Variants in HK2 observed in about 807,000 individuals in gnomAD.
HK2 encodes the protein hexokinase-2.
HK2 carries 42 observed loss-of-function variants against 92.9 expected under a neutral mutation model. That is an observed-to-expected ratio of 0.45 (90% CI 0.35 to 0.58). The LOEUF is 0.58. Among genes scored for constraint, HK2 ranks in the 20% least tolerant of loss-of-function variants. The probability of loss-of-function intolerance (pLI) is 0.00; values close to 1 mark genes in which losing one functional copy is unlikely to be tolerated. For missense variants in HK2, 978 were observed against 1,245.1 expected (o/e 0.79, Z 3.23); for synonymous variants, 422 against 468.0 (o/e 0.90, Z 1.27).
At chr2:74,870,800 TC>T (rs1405233509) in intron 3 of HK2, among the ~76,000 whole-genome samples, 1 of 152,200 alleles carries the variant, frequency 6.6e-6, no homozygotes, top group Non-Finnish European at 1.5e-5. Flanking sequence ...AGCCTTGTCC[TC>T]CCCAGCCTTT....
intron 15 of HK2, 67 bp from the exon 16 acceptor site, chr2:74,887,836 C>A (rs1248238161): frequency 4.6e-6 from 7 of 1,507,012 alleles, no homozygotes; most frequent in Non-Finnish European, 6.5e-6. Flanking sequence ...ACTAAGCTGG[C>A]CTGTCCTGTC....
At chr2:74,864,609 T>C (rs1180148278) in intron 2 of HK2, among the ~76,000 whole-genome samples, 3 of 152,142 alleles carry the variant, frequency 2.0e-5, no homozygotes, top group African/African-American at 7.2e-5. Flanking sequence ...TGGGTTCTAG[T>C]GATTCTCTTG....
At chr2:74,882,658 T>A (rs1355823291) in intron 12 of HK2, among the ~76,000 whole-genome samples, 1 of 139,858 alleles carries the variant, frequency 7.2e-6, no homozygotes, top group Non-Finnish European at 1.6e-5. Context: ...AGGTACTATG[T>A]TAGGTTTCTT....
intron 1 of HK2, among the ~76,000 whole-genome samples, chr2:74,845,916 G>A (rs1688423694): frequency 6.6e-6 from 1 of 152,222 alleles, no homozygotes; most frequent in South Asian, 2.1e-4. Flanking sequence ...AGCCTTCCCA[G>A]GAGGAGTCTG....
chr2:74,853,850 G>T (rs965086723), intron 1 of HK2, among the ~76,000 whole-genome samples: 7 of 152,180 alleles, frequency 4.6e-5, no homozygotes, highest in Non-Finnish European at 1.0e-4. Flanking sequence ...AGAGGTAAAA[G>T]CGGAACTGGG....
At chr2:74,872,117 T>C (rs1226907552) in intron 3 of HK2, among the ~76,000 whole-genome samples, 183 bp from the exon 4 acceptor site, 1 of 152,220 alleles carries the variant, frequency 6.6e-6, no homozygotes, top group Non-Finnish European at 1.5e-5. Flanking sequence ...GTACTCCTTT[T>C]CATAACTCCA....
chr2:74,890,669 C>G, intron 17 of HK2, 128 bp from the exon 18 acceptor site: 1 of 1,077,554 alleles, frequency 9.3e-7, no homozygotes, highest in Non-Finnish European at 1.4e-6. Flanking sequence ...TTATAGCTGT[C>G]ATCCTTCTCC....
At chr2:74,843,389 G>A (rs1267786864) in intron 1 of HK2, among the ~76,000 whole-genome samples, 1 of 152,124 alleles carries the variant, frequency 6.6e-6, no homozygotes, top group African/African-American at 2.4e-5. Context: ...CCTTATCCAC[G>A]TCAGGAGTCA....
In HK2 at chr2:74,889,140, T is replaced by C. The variant is rs17847149; in HGVS notation, c.2376-105T>C. On this transcript the variant is annotated intron_variant, in intron 16 of 17. Coordinates refer to ENST00000290573, the MANE Select transcript of HK2 (RefSeq NM_000189.5). ...CTCGAGGGGCCAGCTCCTGGAGAGC[T>C]AGACCCCCACAGAGCCTCCCCTGTA... is the stretch of plus-strand genomic sequence containing the variant. The C allele has an allele frequency of 1.4e-4, 128 of 911,068 alleles. 2 individuals are homozygous for C. The East Asian group carries it at 3.4e-3, about 24-fold the overall frequency. The allele number at this position is 911,068 out of a possible 1,614,324, so 56.4% of individuals were successfully genotyped here.
In HK2 at chr2:74,885,479, G is replaced by A. The variant is rs1689499502; in HGVS notation, c.1840-15G>A. On this transcript the variant is annotated splice_polypyrimidine_tract_variant and intron_variant, in intron 12 of 17. Coordinates refer to ENST00000290573, the MANE Select transcript of HK2 (RefSeq NM_000189.5). ...CTTCCCTGATGTCCTTTCCATGCTT[G>A]TGTGTGATTTTTAGAGCATCCTCCT... 1 of 1,594,782 alleles carries A rather than the reference G, an allele frequency of 6.3e-7. No individual in the cohort carries two copies. The highest frequency in any genetic ancestry group is 8.6e-7 in the Non-Finnish European group (1 of 1,162,570).
intron 1 of HK2, among the ~76,000 whole-genome samples, chr2:74,841,525 C>T (rs571546020): frequency 6.6e-6 from 1 of 152,058 alleles, no homozygotes; most frequent in African/African-American, 2.4e-5. Context: ...AGTTAGTAGC[C>T]CTAGTTGGGA....
In HK2 at chr2:74,873,159, T is replaced by G; in HGVS notation, c.496-117T>G. ...GCTAGCCAGGAAGTAACACACAAAT[T>G]CAATCATGACTTTACCCCAGTGGCA... On this transcript the variant is annotated intron_variant, in intron 4 of 17. Coordinates refer to ENST00000290573, the MANE Select transcript of HK2 (RefSeq NM_000189.5). 13 of 819,328 alleles carry G rather than the reference T, an allele frequency of 1.6e-5. 1 individual carries two copies. The South Asian group carries it at 1.6e-4, about 10-fold the overall frequency. The allele number at this position is 819,328 out of a possible 1,614,324, so 50.8% of individuals were successfully genotyped here. A position where few individuals can be genotyped will look rare whatever the true frequency, so the allele number is the denominator to read the frequency against.
At chr2:74,867,033 A>G (rs1178718609) in intron 2 of HK2, among the ~76,000 whole-genome samples, 1 of 152,140 alleles carries the variant, frequency 6.6e-6, no homozygotes, top group Non-Finnish European at 1.5e-5. Flanking sequence ...GGTATGAGGA[A>G]CAGGATGGAG....
At chr2:74,886,143 G>A in intron 13 of HK2, 151 bp from the exon 14 acceptor site, 1 of 730,750 alleles carries the variant, frequency 1.4e-6, no homozygotes, top group Non-Finnish European at 2.5e-6. Flanking sequence ...CACCAAAGAG[G>A]TGACATTTAA....
intron 7 of HK2, among the ~76,000 whole-genome samples, chr2:74,876,762 A>G (rs565959338): frequency 1.5e-4 from 23 of 152,338 alleles, no homozygotes; most frequent in Middle Eastern, 6.8e-3. Flanking sequence ...CTACATATCT[A>G]ATCAGATCGC....
Position 74,854,270 on chromosome 2 carries a change from CTCTTG to C in HK2, c.64-18_64-14del, listed in dbSNP as rs1688640103. 2 of 1,611,336 alleles carry C rather than the reference CTCTTG, an allele frequency of 1.2e-6. No homozygotes were observed. Among genetic ancestry groups the C allele is most frequent in the Non-Finnish European group, 1.7e-6 (2 of 1,179,336 alleles). ...TAATTTATTTAACCAGTGGTTTCTG[CTCTTG>C]TCTTCCTCCTTTTTCAGGTTGACCA... On this transcript the variant is annotated intron_variant, in intron 1 of 17. Transcript: ENST00000290573.
Position 74,890,801 on chromosome 2 carries a change from G to C in HK2, c.2614G>C (p.Ala872Pro). ...TCTTCCTCCCACCTTTTCCAGCTTTGCCAAAGTCATGCATGAGACAGTGAA... is the reference window on the plus strand; with the variant it reads ...TCTTCCTCCCACCTTTTCCAGCTTTCCCAAAGTCATGCATGAGACAGTGAA... The part of the protein sequence containing the change: ...GTLYKLHPHF[A>P]KVMHETVKDL... Residue 872 changes from alanine (A) to proline (P), a missense_variant, in exon 18 of 18, where the codon GCC (alanine) becomes CCC (proline). Ala to Pro is a conservative substitution (Grantham distance 27, BLOSUM62 -1). Transcript: ENST00000290573. 2 of 1,614,052 alleles carry C rather than the reference G, an allele frequency of 1.2e-6. No homozygotes were observed. Among genetic ancestry groups the C allele is most frequent in the Non-Finnish European group, 1.7e-6 (2 of 1,180,010 alleles).
At chr2:74,849,913 A>C (rs559716955) in intron 1 of HK2, among the ~76,000 whole-genome samples, 1 of 152,340 alleles carries the variant, frequency 6.6e-6, no homozygotes, top group South Asian at 2.1e-4. Flanking sequence ...ACCAGCTACA[A>C]ATCAAGGGTT....
At chr2:74,840,156 CA>C (rs1373865633) in intron 1 of HK2, among the ~76,000 whole-genome samples, 3 of 150,900 alleles carry the variant, frequency 2.0e-5, no homozygotes, top group African/African-American at 7.3e-5. Context: ...TGGGGTTTTT[CA>C]CTGTGTTAGC....
Sources: gnomAD v4.1 joint callset for allele counts (sites outside exome capture counted in the v4.1 genomes callset) on GRCh38, gnomAD v4.1.1 for gene constraint, MANE v1.5 for transcripts, NCBI Gene and HGNC (gene_info 2026-07-23, HGNC 2026-07-21) for gene names.